Variants in CDK5RAP2 observed in about 807,000 individuals in gnomAD.
CDK5RAP2 encodes CDK5 regulatory subunit-associated protein 2.
In CDK5RAP2, 147 loss-of-function variants were observed where a neutral mutation model predicts 232.9. The observed-to-expected ratio is 0.63, with a 90% CI of 0.55 to 0.72. The LOEUF is 0.72. CDK5RAP2 is among the 30% of genes least tolerant of loss of function. CDK5RAP2 has a pLI of 0.00. For missense variants in CDK5RAP2, 2,195 were observed against 2,231.5 expected (o/e 0.98, Z 0.33); for synonymous variants, 833 against 833.7 (o/e 1.00, Z 0.01).
intron 12 of CDK5RAP2, among the ~76,000 whole-genome samples, chr9:120,499,079 T>C (rs1023732838): frequency 6.6e-6 from 1 of 152,220 alleles, no homozygotes; most frequent in Non-Finnish European, 1.5e-5. Flanking sequence ...TTTCAAACAA[T>C]TGTTTTTAAT....
intron 37 of CDK5RAP2, among the ~76,000 whole-genome samples, 188 bp downstream of exon 37, chr9:120,389,553 T>G (rs1471152073): frequency 6.6e-6 from 1 of 152,186 alleles, no homozygotes; most frequent in African/African-American, 2.4e-5. Flanking sequence ...AATTTAAAAC[T>G]TAGAACCCCT....
Position 120,458,510 on chromosome 9 carries a change from G to A in CDK5RAP2, c.2315C>T (p.Ala772Val), listed in dbSNP as rs199538819. The stretch of plus-strand genomic sequence containing the variant: ...CAAAGGGGCAAGCAGGTTTATGAAT[G>A]CACCTTCTTCTAGGCAGCCAGGTGC... ...AHAPGCLEEGAFINLLAPLFN... is the reference protein window; with the variant it reads ...AHAPGCLEEGVFINLLAPLFN... Residue 772 changes from alanine to valine, a missense_variant, in exon 20 of 38, where the codon GCA becomes GTA. By Grantham distance (64) the Ala-to-Val change is moderately conservative. Coordinates refer to ENST00000349780, the MANE Select transcript of CDK5RAP2 (RefSeq NM_018249.6). 8.1e-5 allele frequency: 131 copies of A among 1,614,046 alleles called. No individual in the cohort carries two copies. The highest frequency in any genetic ancestry group is 1.0e-4 in the Non-Finnish European group (121 of 1,180,006).
rs1215208075 is a variant in CDK5RAP2, at chr9:120,397,526, C to T, written c.5452-2888G>A. The stretch of plus-strand genomic sequence containing the variant: ...GGATTACAGGCATGAGCCACCATCC[C>T]GGCCATAAAAACATTCTTAAAAAAA... On this transcript the variant is annotated intron_variant, in intron 35 of 37. Transcript: ENST00000349780. Among the ~76,000 whole-genome samples the T allele has an allele frequency of 3.9e-5, 5 of 129,622 alleles. No individual in the cohort carries two copies. In the South Asian group the frequency reaches 9.5e-4, roughly 25 times the overall value. 85.0% of individuals were successfully genotyped at this position (129,622 alleles called of 152,430 possible).
At chr9:120,413,416 T>C (rs1056649546) in intron 28 of CDK5RAP2, among the ~76,000 whole-genome samples, 2 of 152,232 alleles carry the variant, frequency 1.3e-5, no homozygotes, top group African/African-American at 4.8e-5. Flanking sequence ...AAGGTAAACA[T>C]TTCACAGCAG....
At chr9:120,471,687 G>GTGA in intron 16 of CDK5RAP2, 61 bp downstream of exon 16, 1 of 1,612,164 alleles carries the variant, frequency 6.2e-7, no homozygotes, top group South Asian at 1.1e-5. Flanking sequence ...CTCTCCTGAA[G>GTGA]TTCAGTCCAT....
intron 21 of CDK5RAP2, among the ~76,000 whole-genome samples, chr9:120,451,627 C>A: frequency 6.6e-6 from 1 of 151,958 alleles, no homozygotes. Context: ...AGACTGGAGG[C>A]CATGGTGGTG....
intron 14 of CDK5RAP2, among the ~76,000 whole-genome samples, chr9:120,483,991 G>A (rs567750438): frequency 1.3e-5 from 2 of 152,230 alleles, no homozygotes; most frequent in Admixed American, 6.5e-5. Context: ...ATTCAGCAGC[G>A]ATGTCCCAAC....
chr9:120,421,630 G>T (rs1588290023), intron 26 of CDK5RAP2, among the ~76,000 whole-genome samples: 1 of 152,284 alleles, frequency 6.6e-6, no homozygotes, highest in South Asian at 2.1e-4. Flanking sequence ...ATAGCATTCA[G>T]AATCTTTAAC....
intron 15 of CDK5RAP2, among the ~76,000 whole-genome samples, chr9:120,475,586 G>A (rs962430826): frequency 4.7e-5 from 7 of 149,198 alleles, no homozygotes; most frequent in Non-Finnish European, 1.0e-4. Context: ...CCCACTGCTC[G>A]CTCCCACCGC....
At chr9:120,451,570 T>G (rs1193886032) in intron 21 of CDK5RAP2, among the ~76,000 whole-genome samples, 1 of 152,148 alleles carries the variant, frequency 6.6e-6, no homozygotes, top group African/African-American at 2.4e-5. Context: ...ACTCCTTAAC[T>G]ACCAAAGACC....
In CDK5RAP2 at chr9:120,471,772, T is replaced by A; in HGVS notation, c.1834A>T (p.Ile612Phe). 1 of 1,614,166 alleles carries A rather than the reference T, an allele frequency of 6.2e-7. No individual in the cohort carries two copies. Among genetic ancestry groups the A allele is most frequent in the Non-Finnish European group, 8.5e-7 (1 of 1,180,004 alleles). ...QNLRKTLEEQ[I>F]SEIRRREEES... Reference sequence around the variant, plus strand: ...CCTTCCCGCCTCCGAATTTCGCTGATCTGCTCCTCCAAGGTCTTCCGCAAA... The same window carrying A: ...CCTTCCCGCCTCCGAATTTCGCTGAACTGCTCCTCCAAGGTCTTCCGCAAA... Residue 612 changes from isoleucine to phenylalanine, a missense_variant, in exon 16 of 38, where the codon ATC becomes TTC. Ile to Phe is a conservative substitution (Grantham distance 21). Transcript: ENST00000349780.
At position 120,454,091 on chromosome 9, in the gene CDK5RAP2, G is replaced by A. The variant is rs77869514; in HGVS notation, c.2376-218C>T. Among the ~76,000 whole-genome samples, 1,004 of 152,332 alleles carry A rather than the reference G, an allele frequency of 6.6e-3. 15 individuals are homozygous for A. Among genetic ancestry groups the A allele is most frequent in the African/African-American group, 0.023 (955 of 41,564 alleles). ...GCAGGTACTACCATGTCATTTCATG[G>A]ATAAGAAGAATAGAATTAATTTAAC... is the stretch of plus-strand genomic sequence containing the variant. On this transcript the variant is annotated intron_variant, in intron 20 of 37. Transcript: ENST00000349780.
At chr9:120,397,544 T>TAAAAAAAAAAAAAAAAA (rs760469422) in intron 35 of CDK5RAP2, among the ~76,000 whole-genome samples, 1 of 49,028 alleles carries the variant, frequency 2.0e-5, no homozygotes, top group Admixed American at 2.8e-4. Context: ...AAAACATTCT[T>TAAAAAAAAAAAAAAAAA]AAAAAAAAAA....
At chr9:120,510,169 G>A (rs1428986439) in intron 12 of CDK5RAP2, among the ~76,000 whole-genome samples, 1 of 152,192 alleles carries the variant, frequency 6.6e-6, no homozygotes, top group Non-Finnish European at 1.5e-5. Flanking sequence ...GAGTACATGT[G>A]AGAACTGGGA....
intron 11 of CDK5RAP2, among the ~76,000 whole-genome samples, chr9:120,521,639 T>C (rs1390403881): frequency 6.7e-6 from 1 of 149,884 alleles, no homozygotes; most frequent in Non-Finnish European, 1.5e-5. Flanking sequence ...ATTAAACCTC[T>C]TTTTCTTTTT....
At chr9:120,440,015 A>G (rs758225714) in intron 23 of CDK5RAP2, 43 bp from the exon 24 acceptor site, 1 of 1,559,708 alleles carries the variant, frequency 6.4e-7, no homozygotes, top group Non-Finnish European at 8.8e-7. Context: ...TTTTACTAAA[A>G]TCCAAACCCT....
At chr9:120,533,122 T>C (rs2131941163) in intron 7 of CDK5RAP2, among the ~76,000 whole-genome samples, 1 of 152,202 alleles carries the variant, frequency 6.6e-6, no homozygotes, top group Non-Finnish European at 1.5e-5. Flanking sequence ...ACACCTTGCT[T>C]TTGTCACAGC....
At chr9:120,563,511 T>A (rs542921184) in intron 3 of CDK5RAP2, among the ~76,000 whole-genome samples, 1 of 152,204 alleles carries the variant, frequency 6.6e-6, no homozygotes, top group African/African-American at 2.4e-5. Flanking sequence ...TCAGCATTCA[T>A]TGAGTACCCT....
chr9:120,560,242 G>A (rs2042413973), intron 3 of CDK5RAP2, among the ~76,000 whole-genome samples: 1 of 152,220 alleles, frequency 6.6e-6, no homozygotes, highest in African/African-American at 2.4e-5. Context: ...ATAAAATGAG[G>A]ATAAAGTCAA....
Sources: gnomAD v4.1 joint callset for allele counts (sites outside exome capture counted in the v4.1 genomes callset) on GRCh38, gnomAD v4.1.1 for gene constraint, MANE v1.5 for transcripts, NCBI Gene and HGNC (gene_info 2026-07-23, HGNC 2026-07-21) for gene names.